Variants in LIN52 observed in about 807,000 individuals in gnomAD.
The protein encoded by LIN52 is lin-52 DREAM MuvB core complex component, also known as protein lin-52 homolog.
A neutral mutation model predicts 18.5 loss-of-function variants in LIN52; 4 were observed. That is an observed-to-expected ratio of 0.22 (90% CI 0.11 to 0.49). LIN52 has a LOEUF of 0.49. Among genes scored for constraint, LIN52 ranks in the 20% least tolerant of loss-of-function variants. The pLI is 0.97. For missense variants in LIN52, 102 were observed against 139.5 expected, an observed-to-expected ratio of 0.73 and a Z score of 1.35; for synonymous variants, 34 against 45.5, an observed-to-expected ratio of 0.75 and a Z score of 1.02.
intron 5 of LIN52, among the ~76,000 whole-genome samples, chr14:74,191,837 G>C (rs1032604868): frequency 1.3e-5 from 2 of 151,924 alleles, no homozygotes; most frequent in Non-Finnish European, 2.9e-5. Context: ...GAGTTTCACC[G>C]TGTTAGCCAG....
Position 74,137,498 on chromosome 14 carries a change from C to CTTTTTTTTTT in LIN52, c.283+36269_283+36278dup, listed in dbSNP as rs71460959. 1.1e-3 allele frequency among the ~76,000 whole-genome samples: 120 copies of CTTTTTTTTTT among 111,578 alleles called. 3 individuals are homozygous for CTTTTTTTTTT. The highest frequency in any genetic ancestry group is 3.8e-3 in the African/African-American group (103 of 26,848). 73.2% of individuals were successfully genotyped at this position (111,578 alleles called of 152,430 possible). A position where few individuals can be genotyped will look rare whatever the true frequency, so the allele number is the denominator to read the frequency against. On this transcript the variant is annotated intron_variant, in intron 5 of 5. Coordinates refer to ENST00000555028, the MANE Select transcript of LIN52 (RefSeq NM_001024674.3). ...GCACTAAATTCTTCACAGCAGCTCT[C>CTTTTTTTTTT]TTTTTTTTTTTTTTTTTTGAGATGG...
At chr14:74,165,999 C>T in intron 5 of LIN52, among the ~76,000 whole-genome samples, 1 of 151,584 alleles carries the variant, frequency 6.6e-6, no homozygotes, top group Non-Finnish European at 1.5e-5. Flanking sequence ...TCAAGCAATT[C>T]TCCTGCCTCA....
intron 5 of LIN52, among the ~76,000 whole-genome samples, chr14:74,185,744 G>A (rs2061338429): frequency 6.6e-6 from 1 of 152,020 alleles, no homozygotes; most frequent in African/African-American, 2.4e-5. Context: ...TGCAGCTTAA[G>A]GTTTCTTTCT....
At chr14:74,197,953 T>C (rs1261582860) in intron 5 of LIN52, among the ~76,000 whole-genome samples, 2 of 152,186 alleles carry the variant, frequency 1.3e-5, no homozygotes, top group South Asian at 2.1e-4. Context: ...CTCACTTCTT[T>C]GGCCAGGACG....
chr14:74,186,093 A>G (rs188171561), intron 5 of LIN52, among the ~76,000 whole-genome samples: 2 of 152,308 alleles, frequency 1.3e-5, no homozygotes, highest in East Asian at 3.9e-4. Flanking sequence ...GTTCGAGACC[A>G]TCCTGGCCAA....
chr14:74,118,338 T>A (rs2060976619), intron 5 of LIN52, among the ~76,000 whole-genome samples: 1 of 152,200 alleles, frequency 6.6e-6, no homozygotes, highest in Admixed American at 6.5e-5. Flanking sequence ...TATTCTACTG[T>A]CCCATCATTT....
intron 5 of LIN52, among the ~76,000 whole-genome samples, chr14:74,123,664 C>T (rs76095753): frequency 0.013 from 2,025 of 152,118 alleles, 44 homozygotes; most frequent in African/African-American, 0.045. Context: ...TAAGACGGTC[C>T]CCAGTGATCC....
chr14:74,101,146 C>G lies in LIN52; in HGVS notation c.200-9C>G. The G allele has an allele frequency of 6.2e-7, 1 of 1,607,210 alleles. No individual in the cohort carries two copies. Among genetic ancestry groups the G allele is most frequent in the Non-Finnish European group, 8.5e-7 (1 of 1,175,834 alleles). ...AGAAATGATGTTGAAATAAATGATT[C>G]TGTTTCAGAACTGGGGAGTCTCACC... On this transcript the variant is annotated splice_polypyrimidine_tract_variant and intron_variant, in intron 4 of 5. Transcript: ENST00000555028.
chr14:74,188,952 A>G (rs1415500706), intron 5 of LIN52, among the ~76,000 whole-genome samples: 2 of 152,168 alleles, frequency 1.3e-5, no homozygotes, highest in African/African-American at 4.8e-5. Context: ...CATCATCCCT[A>G]GACGTTAGCT....
intron 5 of LIN52, among the ~76,000 whole-genome samples, chr14:74,167,966 A>AT (rs35317050): frequency 0.76 from 115,107 of 152,040 alleles, 44,122 homozygotes; most frequent in Non-Finnish European, 0.81. Context: ...GAGAAGTTGG[A>AT]TTTTGTTTTG....
chr14:74,166,446 C>T (rs1251806621), intron 5 of LIN52, among the ~76,000 whole-genome samples: 1 of 151,758 alleles, frequency 6.6e-6, no homozygotes, highest in African/African-American at 2.4e-5. Context: ...AACTCCTGAC[C>T]TCAGGTGATC....
intron 5 of LIN52, among the ~76,000 whole-genome samples, chr14:74,145,651 G>A (rs2061150257): frequency 6.6e-6 from 1 of 152,208 alleles, no homozygotes; most frequent in Admixed American, 6.5e-5. Context: ...TCAGAGGAAG[G>A]AACATCACTT....
At chr14:74,192,713 G>A (rs949743274) in intron 5 of LIN52, 1 of 262,202 alleles carries the variant, frequency 3.8e-6, no homozygotes, top group Non-Finnish European at 7.4e-6. Context: ...ATATCAATGA[G>A]GCAGATCAGA....
chr14:74,107,007 C>G (rs548833238), intron 5 of LIN52, among the ~76,000 whole-genome samples: 1 of 152,230 alleles, frequency 6.6e-6, no homozygotes, highest in Non-Finnish European at 1.5e-5. Flanking sequence ...ATTCAAAATC[C>G]TTTGCATTCT....
Position 74,085,967 on chromosome 14 carries a change from G to T in LIN52, c.19+974G>T, listed in dbSNP as rs118130549. ...GTACCTGCTACATGAAAGGCATAAT[G>T]CTAGGTGCTTTGGGAGACCAAAAGA... On this transcript the variant is annotated intron_variant, in intron 1 of 5. Transcript: ENST00000555028. 6.8e-3 allele frequency among the ~76,000 whole-genome samples: 1,028 copies of T among 152,272 alleles called. 4 individuals are homozygous for T. Among genetic ancestry groups the T allele is most frequent in the Non-Finnish European group, 0.012 (796 of 68,018 alleles).
chr14:74,168,869 C>G (rs1399962661), intron 5 of LIN52, among the ~76,000 whole-genome samples: 1 of 151,924 alleles, frequency 6.6e-6, no homozygotes, highest in Non-Finnish European at 1.5e-5. Context: ...TTTGAGACAC[C>G]TGGCCATCAT....
chr14:74,166,237 A>G (rs1186876005), intron 5 of LIN52, among the ~76,000 whole-genome samples: 1 of 147,998 alleles, frequency 6.8e-6, no homozygotes, highest in Non-Finnish European at 1.5e-5. Flanking sequence ...TTTTTTTAAG[A>G]CAGAGTTTTG....
chr14:74,094,986 A>G lies in LIN52; in HGVS notation c.95-962A>G, dbSNP rs116143318. 8.9e-3 allele frequency among the ~76,000 whole-genome samples: 1,332 copies of G among 149,206 alleles called. 20 individuals carry two copies. Among genetic ancestry groups the G allele is most frequent in the African/African-American group, 0.031 (1,274 of 40,668 alleles). ...CAGGCAAAGATGTTATTTTAATTAT[A>G]TATTTTTTTTAGAGACAGAGGCTCA... On this transcript the variant is annotated intron_variant, in intron 2 of 5. Coordinates refer to ENST00000555028, the MANE Select transcript of LIN52 (RefSeq NM_001024674.3).
intron 5 of LIN52, among the ~76,000 whole-genome samples, chr14:74,155,599 G>T (rs1234867558): frequency 2.0e-5 from 3 of 152,272 alleles, no homozygotes; most frequent in African/African-American, 7.2e-5. Context: ...AGTAAAGATA[G>T]ATGCTAAATC....
Sources: gnomAD v4.1 joint callset for allele counts (sites outside exome capture counted in the v4.1 genomes callset) on GRCh38, gnomAD v4.1.1 for gene constraint, MANE v1.5 for transcripts, NCBI Gene and HGNC (gene_info 2026-07-23, HGNC 2026-07-21) for gene names.